The following LINGO2 variants were observed in gnomAD, a reference collection of about 807,000 sequenced individuals.
LINGO2 encodes the protein leucine-rich repeat and immunoglobulin-like domain-containing nogo receptor-interacting protein 2.
Under a neutral mutation model 30.6 loss-of-function variants are expected in LINGO2, and 14 were observed. The ratio of observed to expected loss-of-function variants is 0.46; its 90% confidence interval spans 0.30 to 0.72. The LOEUF (loss-of-function observed/expected upper bound fraction) is 0.72. LINGO2 is among the 30% of genes least tolerant of loss of function. LINGO2 has a pLI of 0.07. For missense variants in LINGO2, 729 were observed against 751.7 expected (o/e 0.97, Z 0.35); for synonymous variants, 317 against 288.5 (o/e 1.10, Z -1.00).
At chr9:28,895,523 A>G in the LINGO2 span, among the ~76,000 whole-genome samples, 9 of 152,152 alleles carry the variant, frequency 5.9e-5, no homozygotes, top group Non-Finnish European at 1.2e-4. Context: ...ATAATCTCCA[A>G]AAAATTACGT....
chr9:29,118,700 G>A, the LINGO2 span, among the ~76,000 whole-genome samples: 6 of 152,094 alleles, frequency 3.9e-5, no homozygotes, highest in Admixed American at 1.3e-4. Flanking sequence ...CTGTCCTGAA[G>A]CCAGCCCCAA....
chr9:29,201,562 CATATTAT>C, the LINGO2 span, among the ~76,000 whole-genome samples: 1 of 151,936 alleles, frequency 6.6e-6, no homozygotes, highest in Non-Finnish European at 1.5e-5. Context: ...AAATCAAACT[CATATTAT>C]ATTAAGATGC....
At chr9:28,286,524 G>C (rs1823514282) in intron 4 of LINGO2, among the ~76,000 whole-genome samples, 1 of 152,140 alleles carries the variant, frequency 6.6e-6, no homozygotes, top group Non-Finnish European at 1.5e-5. Flanking sequence ...GTTCCTTGCA[G>C]CACTATTCCC....
intron 4 of LINGO2, among the ~76,000 whole-genome samples, chr9:28,163,335 A>G (rs1828339480): frequency 6.6e-6 from 1 of 152,164 alleles, no homozygotes; most frequent in African/African-American, 2.4e-5. Flanking sequence ...GTGTGTGAGT[A>G]TGAACAGCAT....
At chr9:29,018,142 T>C in the LINGO2 span, among the ~76,000 whole-genome samples, 7 of 149,292 alleles carry the variant, frequency 4.7e-5, no homozygotes, top group Non-Finnish European at 8.9e-5. Flanking sequence ...TGTGGCAATA[T>C]GGATGCAGTT....
chr9:28,433,966 T>TATATATATATATATATATAC (rs752778212), intron 2 of LINGO2, among the ~76,000 whole-genome samples: 1,888 of 98,098 alleles, frequency 0.019, 168 homozygotes, highest in Non-Finnish European at 0.031. Context: ...TATATATATA[T>TATATATATATATATATATAC]ACACACACAC....
At chr9:28,544,822 A>T (rs1821859473) in intron 1 of LINGO2, among the ~76,000 whole-genome samples, 1 of 150,348 alleles carries the variant, frequency 6.7e-6, no homozygotes, top group Admixed American at 6.7e-5. Flanking sequence ...ACAAACAAAG[A>T]ATACCTAAAA....
intron 3 of LINGO2, among the ~76,000 whole-genome samples, chr9:28,310,459 T>C (rs1391838390): frequency 6.6e-6 from 1 of 152,134 alleles, no homozygotes; most frequent in Admixed American, 6.6e-5. Flanking sequence ...CCAAAAAGAA[T>C]GTATACTCTT....
At chr9:29,090,219 A>T in the LINGO2 span, among the ~76,000 whole-genome samples, 1 of 152,026 alleles carries the variant, frequency 6.6e-6, no homozygotes, top group African/African-American at 2.4e-5. Context: ...AATGATATTC[A>T]TCATTCCTGA....
chr9:28,996,937 G>T, the LINGO2 span, among the ~76,000 whole-genome samples: 2 of 152,114 alleles, frequency 1.3e-5, no homozygotes, highest in Non-Finnish European at 2.9e-5. Context: ...GACATTGTAT[G>T]TGTGTGTGTT....
At chr9:28,990,041 G>T in the LINGO2 span, among the ~76,000 whole-genome samples, 2 of 152,206 alleles carry the variant, frequency 1.3e-5, no homozygotes, top group African/African-American at 4.8e-5. Context: ...GACAGTGGGC[G>T]CAGGACAGTG....
the LINGO2 span, among the ~76,000 whole-genome samples, chr9:29,169,589 C>T: frequency 6.6e-6 from 1 of 152,160 alleles, no homozygotes; most frequent in Non-Finnish European, 1.5e-5. Flanking sequence ...GATACTATCT[C>T]ACACCAGTCA....
At chr9:28,040,478 C>CT (rs1467105901) in intron 4 of LINGO2, among the ~76,000 whole-genome samples, 1 of 135,802 alleles carries the variant, frequency 7.4e-6, no homozygotes, top group Non-Finnish European at 1.5e-5. Flanking sequence ...AGACAGATGG[C>CT]TCTTCATTAT....
chr9:28,506,943 A>G (rs1032318845), intron 1 of LINGO2, among the ~76,000 whole-genome samples: 2 of 152,026 alleles, frequency 1.3e-5, no homozygotes, highest in South Asian at 2.1e-4. Context: ...CTACATTACT[A>G]TAAAATTCAA....
the LINGO2 span, among the ~76,000 whole-genome samples, chr9:29,111,826 T>C: frequency 2.9e-5 from 3 of 104,140 alleles, no homozygotes; most frequent in African/African-American, 7.1e-5. Flanking sequence ...TAAAGATATA[T>C]ATATATATAT....
chr9:28,581,599 T>C (rs984482091), intron 1 of LINGO2, among the ~76,000 whole-genome samples: 2 of 151,658 alleles, frequency 1.3e-5, no homozygotes, highest in African/African-American at 4.8e-5. Flanking sequence ...TAATAATATG[T>C]CAATTATTTA....
At chr9:28,336,719 G>A (rs890879885) in intron 3 of LINGO2, among the ~76,000 whole-genome samples, 1 of 152,040 alleles carries the variant, frequency 6.6e-6, no homozygotes, top group Non-Finnish European at 1.5e-5. Flanking sequence ...TTGGGTAAAT[G>A]TATGTGCATC....
intron 1 of LINGO2, among the ~76,000 whole-genome samples, chr9:28,564,876 C>T (rs1489570971): frequency 1.3e-5 from 2 of 152,110 alleles, no homozygotes; most frequent in South Asian, 2.1e-4. Context: ...TGGACAGTGC[C>T]GATTATACAT....
chr9:28,909,480 G>A, the LINGO2 span, among the ~76,000 whole-genome samples: 1 of 151,952 alleles, frequency 6.6e-6, no homozygotes, highest in Non-Finnish European at 1.5e-5. Context: ...ATTACTGAGT[G>A]TTAAGTGTGT....
Sources: gnomAD v4.1 joint callset for allele counts (sites outside exome capture counted in the v4.1 genomes callset) on GRCh38, gnomAD v4.1.1 for gene constraint, MANE v1.5 for transcripts, NCBI Gene and HGNC (gene_info 2026-07-23, HGNC 2026-07-21) for gene names.